Variants in UGT2B10 observed in about 807,000 individuals in gnomAD.
UGT2B10 encodes UDP-glucuronosyltransferase 2B10.
In UGT2B10, 51 loss-of-function variants were observed where a neutral mutation model predicts 43.7. The observed-to-expected ratio is 1.17, with a 90% confidence interval of 0.93 to 1.47. The LOEUF (loss-of-function observed/expected upper bound fraction) is 1.47. Among genes scored for constraint, UGT2B10 ranks in the 40% most tolerant of loss-of-function variants. The pLI is 0.00. For synonymous variants in UGT2B10, 225 were observed against 209.0 expected (o/e 1.08, Z -0.66); for missense variants, 696 against 617.7 (o/e 1.13, Z -1.34).
intron 2 of UGT2B10, among the ~76,000 whole-genome samples, chr4:68,820,642 C>T (rs765599814): frequency 6.6e-6 from 1 of 151,720 alleles, no homozygotes; most frequent in Non-Finnish European, 1.5e-5. Flanking sequence ...AAATATAACA[C>T]GATGGCAAAT....
intron 5 of UGT2B10, among the ~76,000 whole-genome samples, chr4:68,828,120 C>T (rs1737894403): frequency 6.6e-6 from 1 of 151,910 alleles, no homozygotes; most frequent in South Asian, 2.1e-4. Context: ...GCAGTGACAC[C>T]AAAATCACCT....
chr4:68,822,939 G>A (rs1422913168), intron 3 of UGT2B10, among the ~76,000 whole-genome samples: 1 of 152,056 alleles, frequency 6.6e-6, no homozygotes, highest in Non-Finnish European at 1.5e-5. Context: ...TAACTCTTGG[G>A]CCACCTCTAT....
At chr4:68,822,865 G>T (rs1261367873) in intron 3 of UGT2B10, among the ~76,000 whole-genome samples, 2 of 152,102 alleles carry the variant, frequency 1.3e-5, no homozygotes, top group East Asian at 3.9e-4. Flanking sequence ...TAAGATTTAT[G>T]ATAATTTTCT....
chr4:68,823,896 A>G (rs1293391148), intron 3 of UGT2B10, among the ~76,000 whole-genome samples: 2 of 152,146 alleles, frequency 1.3e-5, no homozygotes, highest in African/African-American at 4.8e-5. Context: ...TAGATGAAGT[A>G]TCGATATTAT....
At chr4:68,823,483 G>C (rs1343599640) in intron 3 of UGT2B10, among the ~76,000 whole-genome samples, 3 of 152,006 alleles carry the variant, frequency 2.0e-5, no homozygotes, top group African/African-American at 2.4e-5. Context: ...CTCCAGCCTG[G>C]GCTACAGGGC....
intron 5 of UGT2B10, among the ~76,000 whole-genome samples, chr4:68,829,256 A>G (rs933315007): frequency 3.3e-5 from 5 of 152,110 alleles, no homozygotes; most frequent in African/African-American, 1.2e-4. Context: ...TAATTCAATT[A>G]CATAAACAAG....
At chr4:68,819,884 C>T (rs1466833182) in intron 2 of UGT2B10, among the ~76,000 whole-genome samples, 1 of 151,980 alleles carries the variant, frequency 6.6e-6, no homozygotes, top group East Asian at 1.9e-4. Context: ...AGTAAGGCTT[C>T]TTCAATGGAT....
rs199721558 is a variant in UGT2B10 at position 68,822,353 on chromosome 4, A to C, written c.950A>C (p.Glu317Ala). ...GGGTCAATGGTCAGTAACATGACAG[A>C]AGAAAGGGCCAACGTAATTGCAACA... Reference protein sequence around the residue: ...SLGSMVSNMTEERANVIATAL... With the variant: ...SLGSMVSNMTAERANVIATAL... The change falls in exon 3 of 6, where the codon GAA becomes GCA. Residue 317 changes from glutamate to alanine, a missense_variant. By Grantham distance (107) the Glu-to-Ala change is moderately radical. Transcript: ENST00000265403. The C allele has an allele frequency of 1.2e-4, 192 of 1,613,756 alleles. 1 individual carries two copies. In the African/African-American group the frequency reaches 2.1e-3, roughly 17 times the overall value.
At chr4:68,818,923 T>C (rs1019517591) in intron 2 of UGT2B10, among the ~76,000 whole-genome samples, 5 of 151,946 alleles carry the variant, frequency 3.3e-5, no homozygotes, top group African/African-American at 4.8e-5. Context: ...GAAATAAGGA[T>C]ATATGAAATG....
intron 3 of UGT2B10, among the ~76,000 whole-genome samples, chr4:68,826,051 A>T (rs1394409818): frequency 6.6e-6 from 1 of 152,024 alleles, no homozygotes; most frequent in Non-Finnish European, 1.5e-5. Flanking sequence ...GTGCGATGTT[A>T]TCTCATTGTG....
chr4:68,828,397 G>T (rs183055939), intron 5 of UGT2B10, among the ~76,000 whole-genome samples: 17 of 151,748 alleles, frequency 1.1e-4, no homozygotes, highest in African/African-American at 4.1e-4. Flanking sequence ...TGGCCTTTGT[G>T]TAAGGAGGGT....
At chr4:68,821,128 G>A (rs1340565030) in intron 2 of UGT2B10, among the ~76,000 whole-genome samples, 8 of 152,080 alleles carry the variant, frequency 5.3e-5, no homozygotes, top group Non-Finnish European at 8.8e-5. Flanking sequence ...TTTAAAAAAC[G>A]TTCTGCCATA....
chr4:68,818,965 T>G (rs1183505493), intron 2 of UGT2B10, among the ~76,000 whole-genome samples: 1 of 151,876 alleles, frequency 6.6e-6, no homozygotes, highest in Admixed American at 6.6e-5. Context: ...TCCAAGATAT[T>G]CAATGGATTA....
chr4:68,826,288 A>C, intron 3 of UGT2B10, 122 bp from the exon 4 acceptor site: 1 of 1,026,966 alleles, frequency 9.7e-7, no homozygotes, highest in Non-Finnish European at 1.4e-6. Flanking sequence ...TTTTTGCATC[A>C]GTCTTTGAGT....
chr4:68,817,959 C>A (rs1205963536), intron 1 of UGT2B10, 70 bp from the exon 2 acceptor site: 2 of 1,552,784 alleles, frequency 1.3e-6, no homozygotes, highest in Non-Finnish European at 8.6e-7. Flanking sequence ...ATTATTCTAA[C>A]CCCTTTCAGA....
At chr4:68,820,107 C>T (rs1158701118) in intron 2 of UGT2B10, among the ~76,000 whole-genome samples, 2 of 151,926 alleles carry the variant, frequency 1.3e-5, no homozygotes, top group East Asian at 1.9e-4. Context: ...GGGAAACTGA[C>T]AGTGCCAGTA....
At chr4:68,820,668 T>C (rs1737448248) in intron 2 of UGT2B10, among the ~76,000 whole-genome samples, 1 of 151,882 alleles carries the variant, frequency 6.6e-6, no homozygotes, top group African/African-American at 2.4e-5. Context: ...CAGGAGGAAA[T>C]GTATATAAAA....
chr4:68,819,356 C>A (rs1482477762), intron 2 of UGT2B10, among the ~76,000 whole-genome samples: 2 of 151,858 alleles, frequency 1.3e-5, no homozygotes, highest in Non-Finnish European at 2.9e-5. Flanking sequence ...TACCCTTGGA[C>A]TTGATTAAAA....
intron 1 of UGT2B10, among the ~76,000 whole-genome samples, chr4:68,817,162 T>C (rs1737254628): frequency 6.6e-6 from 1 of 151,850 alleles, no homozygotes; most frequent in Non-Finnish European, 1.5e-5. Flanking sequence ...CTCAGTTGTC[T>C]TATTTAGAAA....
Sources: allele counts gnomAD v4.1 joint callset (sites outside exome capture counted in the v4.1 genomes callset), GRCh38; gene constraint gnomAD v4.1.1; transcripts MANE v1.5; gene names NCBI Gene and HGNC (gene_info 2026-07-23, HGNC 2026-07-21).